RC3H1: variants seen among roughly 807,000 people sequenced by gnomAD.
RC3H1 encodes ring finger and CCCH-type domains 1.
In RC3H1, 50 loss-of-function variants were observed where a neutral mutation model predicts 138.2. That is an observed-to-expected ratio of 0.36 (90% confidence interval 0.29 to 0.46). The LOEUF (loss-of-function observed/expected upper bound fraction) is 0.46, where lower values mean the gene tolerates loss of function less well. Ranked by LOEUF, RC3H1 falls within the 20% of genes least tolerant of loss-of-function variation. The pLI is 1.00. For synonymous variants in RC3H1, 462 were observed against 489.1 expected, an observed-to-expected ratio of 0.94 and a Z score of 0.73; for missense variants, 1,031 against 1,388.1, an observed-to-expected ratio of 0.74 and a Z score of 4.09.
chr1:174,012,643 G>A (rs547756097), intron 1 of RC3H1, among the ~76,000 whole-genome samples: 5 of 152,066 alleles, frequency 3.3e-5, no homozygotes, highest in Admixed American at 3.3e-4. Context: ...AATTAGCCGG[G>A]TGTGGTGGCG....
At chr1:173,945,262 A>C (rs998391137) in intron 17 of RC3H1, among the ~76,000 whole-genome samples, 2 of 151,896 alleles carry the variant, frequency 1.3e-5, no homozygotes, top group Admixed American at 6.6e-5. Context: ...AGTAGCTGAG[A>C]CTACAGGCGT....
chr1:173,961,620 T>A, intron 12 of RC3H1, 105 bp downstream of exon 12: 1 of 1,071,702 alleles, frequency 9.3e-7, no homozygotes. Context: ...AGCTCTCTTA[T>A]AAAAAAGAAT....
intron 18 of RC3H1, 197 bp from the exon 19 acceptor site, chr1:173,941,577 C>CAGAAAA: frequency 6.4e-6 from 3 of 469,086 alleles, no homozygotes. Flanking sequence ...ACTAACCAAG[C>CAGAAAA]TGGACAATAA....
intron 1 of RC3H1, 110 bp from the exon 2 acceptor site, chr1:173,993,245 A>G (rs1393533743): frequency 1.1e-5 from 5 of 449,718 alleles, no homozygotes; most frequent in Non-Finnish European, 4.0e-6. Flanking sequence ...CCACATTTGT[A>G]TCACTGTAAT....
chr1:173,983,268 A>T, intron 4 of RC3H1, 150 bp downstream of exon 4: 1 of 938,780 alleles, frequency 1.1e-6, no homozygotes, highest in South Asian at 1.8e-5. Context: ...ACTAAGTTAC[A>T]TGGAATTGCC....
At chr1:174,019,064 A>T (rs1180070330) in intron 1 of RC3H1, among the ~76,000 whole-genome samples, 1 of 152,244 alleles carries the variant, frequency 6.6e-6, no homozygotes, top group Non-Finnish European at 1.5e-5. Flanking sequence ...AAAAATTTAT[A>T]AAGTATTTCA....
chr1:174,013,473 C>T (rs1661806382), intron 1 of RC3H1, among the ~76,000 whole-genome samples: 2 of 151,420 alleles, frequency 1.3e-5, no homozygotes, highest in Non-Finnish European at 1.5e-5. Flanking sequence ...GACACGGTCT[C>T]ACTCTGTCGC....
chr1:173,968,417 T>G (rs1660211591), intron 9 of RC3H1, among the ~76,000 whole-genome samples: 2 of 152,194 alleles, frequency 1.3e-5, no homozygotes, highest in African/African-American at 4.8e-5. Flanking sequence ...AATATTTCTC[T>G]TATGTTCCTA....
Position 173,963,977 on chromosome 1 carries a change from C to T in RC3H1, c.1827G>A (p.Gln609=). ...ATATAAATTTAAAATCGTTACCCTG[C>T]TGATAAGGTGCTGGTTCAAATGGCG... ...AAPPFEPAPY[Q]QGMYYTPPPQ... Residue 609 remains glutamine, a synonymous_variant, in exon 11 of 20, where the codon CAG becomes CAA. Coordinates refer to ENST00000367696, the MANE Select transcript of RC3H1 (RefSeq NM_172071.4). 6.2e-7 allele frequency: 1 copy of T among 1,613,620 alleles called. No homozygotes were observed. Among genetic ancestry groups the T allele is most frequent in the South Asian group, 1.1e-5 (1 of 91,026 alleles).
Position 173,981,021 on chromosome 1 carries a change from C to G in RC3H1, c.769-12G>C. 6.2e-7 allele frequency: 1 copy of G among 1,607,246 alleles called. No homozygotes were observed. Among genetic ancestry groups the G allele is most frequent in the East Asian group, 2.2e-5 (1 of 44,802 alleles). On this transcript the variant is annotated splice_polypyrimidine_tract_variant and intron_variant, in intron 5 of 19. Transcript: ENST00000367696. ...TCACGTTTGGTGACCTAATAAGACA[C>G]AAATAATCTCATAATGAAGTCAAAA...
At chr1:173,991,911 A>G (rs879484813) in intron 2 of RC3H1, among the ~76,000 whole-genome samples, 1 of 152,202 alleles carries the variant, frequency 6.6e-6, no homozygotes, top group Non-Finnish European at 1.5e-5. Flanking sequence ...TAATATATAC[A>G]TAACACAAAA....
At chr1:173,997,776 G>C (rs961867676) in intron 1 of RC3H1, among the ~76,000 whole-genome samples, 6 of 152,238 alleles carry the variant, frequency 3.9e-5, no homozygotes, top group African/African-American at 1.4e-4. Flanking sequence ...TGGGAAATTT[G>C]ATGATTAATA....
At chr1:173,964,614 A>G (rs929453851) in intron 10 of RC3H1, among the ~76,000 whole-genome samples, 1 of 149,762 alleles carries the variant, frequency 6.7e-6, no homozygotes, top group African/African-American at 2.5e-5. Flanking sequence ...TGACCCGTCC[A>G]CCTCAGCCTC....
At position 173,932,833 on chromosome 1, in the gene RC3H1, A is replaced by C. The variant is rs1658437955; in HGVS notation, c.*5888T>G. ...TAATAATAATAATAATAGAGCAACC[A>C]ATTATTCACCCAATAGTTTGTTTCC... On this transcript the variant is annotated 3_prime_UTR_variant, in exon 20 of 20. Transcript: ENST00000367696. 2.0e-5 allele frequency: 3 copies of C among 152,094 alleles called. No homozygotes were observed. Among genetic ancestry groups the C allele is most frequent in the Non-Finnish European group, 4.4e-5 (3 of 67,994 alleles). The allele number at this position is 152,094 out of a possible 1,614,324, so 9.4% of individuals were successfully genotyped here. A position where few individuals can be genotyped will look rare whatever the true frequency, so the allele number is the denominator to read the frequency against.
chr1:173,970,660 CA>C (rs773645141), intron 8 of RC3H1, 43 bp from the exon 9 acceptor site: 1 of 1,233,332 alleles, frequency 8.1e-7, no homozygotes, highest in Non-Finnish European at 1.2e-6. Context: ...TAACCCCCCA[CA>C]AAAAAACATA....
At chr1:174,002,141 A>T (rs1016364488) in intron 1 of RC3H1, among the ~76,000 whole-genome samples, 1 of 152,204 alleles carries the variant, frequency 6.6e-6, no homozygotes, top group Non-Finnish European at 1.5e-5. Context: ...CAATCCCAAA[A>T]TGAAAGATTC....
At position 173,939,455 on chromosome 1, in the gene RC3H1, T is replaced by A. The variant is rs1228112098; in HGVS notation, c.3252-584A>T. On this transcript the variant is annotated intron_variant, in intron 19 of 19. Coordinates refer to ENST00000367696, the MANE Select transcript of RC3H1 (RefSeq NM_172071.4). Reference sequence around the variant, plus strand: ...CAGAGGCACAAGAATCACTTGAACCTGAGAGGCAGAGGTTTCACTGAGCCA... The same window carrying A: ...CAGAGGCACAAGAATCACTTGAACCAGAGAGGCAGAGGTTTCACTGAGCCA... Among the ~76,000 whole-genome samples, 3 of 140,846 alleles carry A rather than the reference T, an allele frequency of 2.1e-5. No individual in the cohort carries two copies. In the Admixed American group the frequency reaches 2.4e-4, roughly 11 times the overall value. The allele number at this position is 140,846 out of a possible 152,430, so 92.4% of individuals were successfully genotyped here.
Position 173,961,252 on chromosome 1 carries a change from T to G in RC3H1, c.2203-8A>C. 1 of 1,600,702 alleles carries G rather than the reference T, an allele frequency of 6.2e-7. No individual in the cohort carries two copies. The highest frequency in any genetic ancestry group is 8.5e-7 in the Non-Finnish European group (1 of 1,175,204). On this transcript the variant is annotated splice_region_variant and splice_polypyrimidine_tract_variant and intron_variant, in intron 12 of 19. Coordinates refer to ENST00000367696, the MANE Select transcript of RC3H1 (RefSeq NM_172071.4). ...CCGGCTATAAGGAGGTTCCTAAAAA[T>G]AGAAAGATTAGTTAAAATTGAAAGA...
In RC3H1 at chr1:173,991,749, T is replaced by C. The variant is rs1035876297; in HGVS notation, c.231+1006A>G. 2.6e-5 allele frequency among the ~76,000 whole-genome samples: 4 copies of C among 152,360 alleles called. No individual in the cohort carries two copies. The South Asian group carries it at 6.2e-4, about 24-fold the overall frequency. ...TGCAATTTTGCAACTTTTACTGATATAGTGAATTACATTAATTGATTTGCA... is the reference window on the plus strand; with the variant it reads ...TGCAATTTTGCAACTTTTACTGATACAGTGAATTACATTAATTGATTTGCA... On this transcript the variant is annotated intron_variant, in intron 2 of 19. Transcript: ENST00000367696.
Sources: gnomAD v4.1 joint callset for allele counts (sites outside exome capture counted in the v4.1 genomes callset) on GRCh38, gnomAD v4.1.1 for gene constraint, MANE v1.5 for transcripts, NCBI Gene and HGNC (gene_info 2026-07-23, HGNC 2026-07-21) for gene names.